PASD1: variants seen among roughly 807,000 people sequenced by gnomAD.
PASD1 encodes the protein PAS domain containing repressor 1.
In PASD1, 13 loss-of-function variants were observed where a neutral mutation model predicts 58.8. The observed-to-expected ratio is 0.22, with a 90% CI of 0.14 to 0.35. The LOEUF (loss-of-function observed/expected upper bound fraction) is 0.35. Among genes scored for constraint, PASD1 ranks in the 10% least tolerant of loss-of-function variants. PASD1 has a pLI of 1.00. For missense variants in PASD1, 734 were observed against 568.3 expected, an observed-to-expected ratio of 1.29 and a Z score of -2.96; for synonymous variants, 236 against 216.7, an observed-to-expected ratio of 1.09 and a Z score of -0.78.
At chrX:151,622,625 A>G (rs1319744457) in intron 6 of PASD1, among the ~76,000 whole-genome samples, 1 of 109,074 alleles carries the variant, frequency 9.2e-6, no homozygotes, top group East Asian at 2.9e-4. Context: ...ACACTCCCAC[A>G]CACTCTACCC....
At chrX:151,570,764 GCTT>G (rs1270844928) in intron 1 of PASD1, among the ~76,000 whole-genome samples, 1 of 112,294 alleles carries the variant, frequency 8.9e-6, no homozygotes, top group African/African-American at 3.2e-5. Flanking sequence ...TAATTGTCCT[GCTT>G]CTTATGTGGT....
intron 8 of PASD1, among the ~76,000 whole-genome samples, chrX:151,635,994 A>G (rs772483597): frequency 8.9e-6 from 1 of 111,878 alleles, no homozygotes; most frequent in East Asian, 2.8e-4. Context: ...CCAGAAATAC[A>G]TATATAATTT....
intron 3 of PASD1, among the ~76,000 whole-genome samples, chrX:151,610,669 A>G (rs192510503): frequency 9.0e-6 from 1 of 111,655 alleles, no homozygotes; most frequent in East Asian, 2.8e-4. Context: ...ATAATTCTCT[A>G]GATGTGATTT....
rs1268046414 is a variant in PASD1 at position 151,672,422 on chromosome X, G to A, written c.1677G>A (p.Glu559=). 8.3e-7 allele frequency: 1 copy of A among 1,210,090 alleles called. No individual in the cohort carries two copies. Among genetic ancestry groups the A allele is most frequent in the Non-Finnish European group, 1.1e-6 (1 of 895,193 alleles). The change falls in exon 14 of 16, where the codon GAG becomes GAA. Residue 559 remains glutamate, a synonymous_variant. Coordinates refer to ENST00000370357, the MANE Select transcript of PASD1 (RefSeq NM_173493.3). The part of the protein sequence containing the change: ...WQGQMLQKEP[E]EEQQKQQLQE... ...GGCAGATGCTACAGAAAGAGCCAGA[G>A]GAGGAGCAGCAGAAGCAGCAGCTGC...
At chrX:151,590,820 C>T (rs2013236552) in intron 1 of PASD1, among the ~76,000 whole-genome samples, 2 of 111,700 alleles carry the variant, frequency 1.8e-5, no homozygotes, top group South Asian at 7.6e-4. Flanking sequence ...CTGCCTTGAC[C>T]TCCCGAAGTG....
intron 8 of PASD1, among the ~76,000 whole-genome samples, chrX:151,634,972 T>C (rs1244886067): frequency 8.9e-6 from 1 of 112,159 alleles, no homozygotes; most frequent in Non-Finnish European, 1.9e-5. Flanking sequence ...TCATACCTTC[T>C]ACATTTATTG....
chrX:151,565,848 G>A (rs1354005188), intron 1 of PASD1, among the ~76,000 whole-genome samples: 1 of 112,044 alleles, frequency 8.9e-6, no homozygotes, highest in African/African-American at 3.2e-5. Flanking sequence ...ATGAGCCACC[G>A]CGCCCAGCCA....
At chrX:151,658,747 G>A (rs2014277054) in intron 9 of PASD1, among the ~76,000 whole-genome samples, 1 of 112,304 alleles carries the variant, frequency 8.9e-6, no homozygotes, top group Non-Finnish European at 1.9e-5. Context: ...ATTCTTTGTA[G>A]AAAAATCACC....
chrX:151,650,592 CTG>C lies in PASD1; in HGVS notation c.717+1892_717+1893del, dbSNP rs762976886. Among the ~76,000 whole-genome samples the C allele has an allele frequency of 1.5e-4, 17 of 111,662 alleles. No individual in the cohort carries two copies. In the East Asian group the frequency reaches 4.8e-3, roughly 31 times the overall value. ...CAGTCACATTGATCATTTTTTAAAA[CTG>C]TATAATATTCCATGAAATTGTGAGA... On this transcript the variant is annotated intron_variant, in intron 9 of 15. Coordinates refer to ENST00000370357, the MANE Select transcript of PASD1 (RefSeq NM_173493.3).
In PASD1 at chrX:151,668,789, G is replaced by A. The variant is rs1242882372; in HGVS notation, c.1072-2249G>A. On this transcript the variant is annotated intron_variant, in intron 11 of 15. Coordinates refer to ENST00000370357, the MANE Select transcript of PASD1 (RefSeq NM_173493.3). ...AATTCTACCAGAGGTACAAGGAGGA[G>A]CTGGTACCATTCGTTCTGAAACTAT... Among the ~76,000 whole-genome samples the A allele has an allele frequency of 3.6e-5, 4 of 109,659 alleles. No individual in the cohort carries two copies. The Admixed American group carries it at 3.9e-4, about 11-fold the overall frequency.
At position 151,659,815 on chromosome X, in the gene PASD1, G is replaced by T; in HGVS notation, c.820G>T (p.Asp274Tyr). The part of the protein sequence containing the change: ...STYCSSTVFL[D>Y]TMPESPALSL... ...TTATTGCTCCAGTACAGTTTTCCTG[G>T]ATACTATGCCTGAATCTCCAGGTAG... Residue 274 changes from aspartate (D) to tyrosine (Y), a missense_variant, in exon 10 of 16, where the codon GAT becomes TAT. Transcript: ENST00000370357. The T allele has an allele frequency of 3.3e-6, 4 of 1,206,237 alleles. No homozygotes were observed. The highest frequency in any genetic ancestry group is 1.7e-5 in the African/African-American group (1 of 57,646).
At chrX:151,592,426 T>C (rs1276879791) in intron 1 of PASD1, among the ~76,000 whole-genome samples, 1 of 112,118 alleles carries the variant, frequency 8.9e-6, no homozygotes, top group Non-Finnish European at 1.9e-5. Context: ...AAGGAACCTA[T>C]AAATGTTATT....
In PASD1 at chrX:151,570,535, G is replaced by T. The variant is rs181665026; in HGVS notation, c.-28+6696G>T. ...CATTCTAAAGGGGAATGATTGTAGAGCTCCACAAAACTGGCCAAGGAGCTA... is the reference window on the plus strand; with the variant it reads ...CATTCTAAAGGGGAATGATTGTAGATCTCCACAAAACTGGCCAAGGAGCTA... On this transcript the variant is annotated intron_variant, in intron 1 of 15. Transcript: ENST00000370357. Among the ~76,000 whole-genome samples, 3 of 112,653 alleles carry T rather than the reference G, an allele frequency of 2.7e-5. No individual in the cohort carries two copies. In the East Asian group the frequency reaches 8.4e-4, roughly 31 times the overall value.
intron 9 of PASD1, among the ~76,000 whole-genome samples, chrX:151,653,896 T>TTCTTTCTTTCTTTCTTTCTC (rs2014198419): frequency 1.8e-5 from 1 of 56,490 alleles, no homozygotes; most frequent in East Asian, 5.7e-4. Flanking sequence ...CTTTCTTTCT[T>TTCTTTCTTTCTTTCTTTCTC]TCTTTCTTTC....
intron 1 of PASD1, among the ~76,000 whole-genome samples, chrX:151,587,197 C>A (rs1412067379): frequency 9.8e-6 from 1 of 101,808 alleles, no homozygotes; most frequent in African/African-American, 3.5e-5. Flanking sequence ...TTAAATCTGA[C>A]TTTGTTTCTT....
chrX:151,603,598 A>T (rs1363347520), intron 2 of PASD1, among the ~76,000 whole-genome samples: 1 of 111,333 alleles, frequency 9.0e-6, no homozygotes, highest in Non-Finnish European at 1.9e-5. Context: ...TTGAAGAGCT[A>T]TGCCTAGAAT....
intron 9 of PASD1, among the ~76,000 whole-genome samples, chrX:151,658,118 C>T (rs961606390): frequency 1.3e-4 from 15 of 111,828 alleles, no homozygotes; most frequent in Non-Finnish European, 2.4e-4. Flanking sequence ...TTGAAGCCTA[C>T]TCTATATCCA....
At chrX:151,638,605 A>G (rs2013961326) in intron 8 of PASD1, among the ~76,000 whole-genome samples, 1 of 111,480 alleles carries the variant, frequency 9.0e-6, no homozygotes, top group Non-Finnish European at 1.9e-5. Flanking sequence ...TATTTGTTCA[A>G]TATTTGATGT....
intron 8 of PASD1, among the ~76,000 whole-genome samples, chrX:151,627,358 C>T (rs903010674): frequency 8.3e-5 from 9 of 108,877 alleles, no homozygotes; most frequent in Non-Finnish European, 1.5e-4. Flanking sequence ...CTCCCCACTC[C>T]CCCCACCCCA....
Sources: gnomAD v4.1 joint callset for allele counts (sites outside exome capture counted in the v4.1 genomes callset) on GRCh38, gnomAD v4.1.1 for gene constraint, MANE v1.5 for transcripts, NCBI Gene and HGNC (gene_info 2026-07-23, HGNC 2026-07-21) for gene names.